The following BAG1 variants were observed in gnomAD, a reference collection of about 807,000 sequenced individuals.
BAG1 encodes the protein BAG cochaperone 1, also known as BAG family molecular chaperone regulator 1.
A neutral mutation model predicts 35.5 loss-of-function variants in BAG1; 35 were observed. That is an observed-to-expected ratio of 0.99 (90% CI 0.75 to 1.31). The LOEUF (loss-of-function observed/expected upper bound fraction) is 1.31. Ranked by LOEUF, BAG1 falls within the 50% of genes most tolerant of loss-of-function variation. BAG1 has a pLI of 0.00. For synonymous variants in BAG1, 191 were observed against 178.9 expected, an observed-to-expected ratio of 1.07 and a Z score of -0.54; for missense variants, 464 against 453.6, an observed-to-expected ratio of 1.02 and a Z score of -0.21.
intron 4 of BAG1, chr9:33,257,144 G>A (rs530684075): frequency 2.4e-4 from 111 of 468,192 alleles, no homozygotes; most frequent in East Asian, 2.3e-3. Flanking sequence ...GGCTGCAAAT[G>A]CCTCCTGAGG....
Position 33,252,583 on chromosome 9 carries a change from ATATAAC to A in BAG1, c.*2630_*2635del, listed in dbSNP as rs949634974. On this transcript the variant is annotated 3_prime_UTR_variant, in exon 7 of 7. Coordinates refer to ENST00000634734, the MANE Select transcript of BAG1 (RefSeq NM_004323.6). The stretch of plus-strand genomic sequence containing the variant: ...TATATATATATATGTTATATATGTA[ATATAAC>A]TATATTACAAGTTATGCTTGAAATA... 1.2e-4 allele frequency: 18 copies of A among 150,434 alleles called. No homozygotes were observed. The highest frequency in any genetic ancestry group is 2.1e-4 in the Non-Finnish European group (14 of 67,744). 9.3% of individuals were successfully genotyped at this position (150,434 alleles called of 1,614,324 possible).
intron 1 of BAG1, among the ~76,000 whole-genome samples, chr9:33,263,581 C>T (rs1820627728): frequency 6.2e-5 from 1 of 16,152 alleles, no homozygotes; most frequent in African/African-American, 1.4e-4. Flanking sequence ...GAGGAGAAAC[C>T]GGATTCTTAG....
Position 33,255,213 on chromosome 9 carries a change from T to G in BAG1, c.*6A>C, listed in dbSNP as rs1298278625. 5.0e-6 allele frequency: 8 copies of G among 1,614,102 alleles called. No individual in the cohort carries two copies. Among genetic ancestry groups the G allele is most frequent in the Non-Finnish European group, 6.8e-6 (8 of 1,180,036 alleles). On this transcript the variant is annotated 3_prime_UTR_variant, in exon 7 of 7. Coordinates refer to ENST00000634734, the MANE Select transcript of BAG1 (RefSeq NM_004323.6). Reference sequence around the variant, plus strand: ...TCAGGGCAGCACAGCCTTTTTCTGCTACACCTCACTCGGCCAGGGCAAAGT... The same window carrying G: ...TCAGGGCAGCACAGCCTTTTTCTGCGACACCTCACTCGGCCAGGGCAAAGT...
Position 33,256,874 on chromosome 9 carries a change from AGAGCTTC to A in BAG1, c.805_811del (p.Glu269SerfsTer8). ...TTTTACTCTCCTATCAAGTTTGCAG[AGAGCTTC>A]AGCTTGCAAATCCTTGGGCAGAAAA... On this transcript the variant is annotated frameshift_variant, in exon 5 of 7. Coordinates refer to ENST00000634734, the MANE Select transcript of BAG1 (RefSeq NM_004323.6). LOFTEE classifies it high-confidence loss of function. 2.5e-6 allele frequency: 4 copies of A among 1,614,200 alleles called. No individual in the cohort carries two copies. The highest frequency in any genetic ancestry group is 3.4e-6 in the Non-Finnish European group (4 of 1,180,028).
At chr9:33,263,355 C>A (rs994103247) in intron 1 of BAG1, among the ~76,000 whole-genome samples, 1 of 152,234 alleles carries the variant, frequency 6.6e-6, no homozygotes, top group Non-Finnish European at 1.5e-5. Context: ...GTCTCTCCCA[C>A]TGAACACACT....
chr9:33,263,230 A>C (rs1335544718), intron 1 of BAG1, among the ~76,000 whole-genome samples: 1 of 152,154 alleles, frequency 6.6e-6, no homozygotes, highest in African/African-American at 2.4e-5. Context: ...CTGATTCCCA[A>C]GCCCACCTTT....
rs752011130 is a variant in BAG1 at position 33,253,499 on chromosome 9, A to G, written c.*1720T>C. ...ATGTTGTGGCCCACGCCACACAGCT[A>G]TCACACAAAAATAGATCAATAGTGA... On this transcript the variant is annotated 3_prime_UTR_variant, in exon 7 of 7. Coordinates refer to ENST00000634734, the MANE Select transcript of BAG1 (RefSeq NM_004323.6). 1.3e-5 allele frequency: 2 copies of G among 152,254 alleles called. No individual in the cohort carries two copies. Among genetic ancestry groups the G allele is most frequent in the Non-Finnish European group, 2.9e-5 (2 of 68,044 alleles). 9.4% of individuals were successfully genotyped at this position (152,254 alleles called of 1,614,324 possible). A position where few individuals can be genotyped will look rare whatever the true frequency, so the allele number is the denominator to read the frequency against.
chr9:33,264,442 C>T lies in BAG1; in HGVS notation c.233G>A (p.Arg78His). The stretch of plus-strand genomic sequence containing the variant: ...CAACTCCTCGCTCCGGGTCGAGCGG[C>T]GCCGGGTTTTCTTCTTCATCCGCGG... The change falls in exon 1 of 7, where the codon CGC becomes CAC. Residue 78 changes from arginine to histidine, a missense_variant. Arg to His is a conservative substitution (Grantham distance 29). Coordinates refer to ENST00000634734, the MANE Select transcript of BAG1 (RefSeq NM_004323.6). 1.2e-6 allele frequency: 2 copies of T among 1,613,690 alleles called. No individual in the cohort carries two copies. Among genetic ancestry groups the T allele is most frequent in the Non-Finnish European group, 8.5e-7 (1 of 1,179,666 alleles).
rs147618564 is a variant in BAG1, at chr9:33,255,884, C to G, written c.929G>C (p.Gly310Ala). Residue 310 changes from glycine (G) to alanine (A), a missense_variant, in exon 6 of 7, where the codon GGC becomes GCC. Physicochemically the swap from Gly to Ala is moderately conservative, Grantham distance 60. Coordinates refer to ENST00000634734, the MANE Select transcript of BAG1 (RefSeq NM_004323.6). ...ACTCACCTGAACCTTTTTTACCAAG[C>G]CTTTCCTTTTCAATCTACTGTCTTT... The G allele has an allele frequency of 6.8e-4, 1,099 of 1,614,032 alleles. 10 individuals are homozygous for G. In the African/African-American group the frequency reaches 0.012, roughly 18 times the overall value.
chr9:33,262,112 G>C, intron 2 of BAG1: 11 of 1,289,366 alleles, frequency 8.5e-6, no homozygotes, highest in Non-Finnish European at 1.1e-5. Context: ...AACCTAGCGA[G>C]GGAAGACTGC....
In BAG1 at chr9:33,258,949, A is replaced by G. The variant is rs370676610; in HGVS notation, c.748T>C (p.Leu250=). 2 of 1,614,050 alleles carry G rather than the reference A, an allele frequency of 1.2e-6. No individual in the cohort carries two copies. Among genetic ancestry groups the G allele is most frequent in the African/African-American group, 2.7e-5 (2 of 75,000 alleles). ...TGGATTCCAGTAAGCTCTTTATTCA[A>G]CTCTTCCAGCTGGTCAGCTATCTTC... The change falls in exon 4 of 7, where the codon TTG becomes CTG. Residue 250 remains leucine, a synonymous_variant. Coordinates refer to ENST00000634734, the MANE Select transcript of BAG1 (RefSeq NM_004323.6).
At chr9:33,262,942 C>T (rs1057203624) in intron 1 of BAG1, 112 bp from the exon 2 acceptor site, 11 of 1,452,546 alleles carry the variant, frequency 7.6e-6, no homozygotes, top group Non-Finnish European at 1.0e-5. Context: ...TCATATGCCA[C>T]CTACTCCACA....
intron 4 of BAG1, 21 bp downstream of exon 4, chr9:33,258,899 A>G: frequency 1.9e-6 from 3 of 1,593,092 alleles, no homozygotes; most frequent in Non-Finnish European, 2.6e-6. Flanking sequence ...GCAGAAAGTT[A>G]AGGTCCATGA....
rs753388761 is a variant in BAG1, at chr9:33,258,908, G to A, written c.777+12C>T. The stretch of plus-strand genomic sequence containing the variant: ...TAGAAGGCAGAAAGTTAAGGTCCAT[G>A]AAGAGAGTTACCTGCTGGATTCCAG... On this transcript the variant is annotated intron_variant, in intron 4 of 6. Coordinates refer to ENST00000634734, the MANE Select transcript of BAG1 (RefSeq NM_004323.6). 1 of 1,607,716 alleles carries A rather than the reference G, an allele frequency of 6.2e-7. No homozygotes were observed. Among genetic ancestry groups the A allele is most frequent in the Non-Finnish European group, 8.5e-7 (1 of 1,174,350 alleles).
chr9:33,261,520 T>C (rs1035615486), intron 2 of BAG1, among the ~76,000 whole-genome samples: 2 of 152,174 alleles, frequency 1.3e-5, no homozygotes, highest in Admixed American at 6.5e-5. Flanking sequence ...AGCTCATTTT[T>C]TGCAGGAAAC....
rs373037713 is a variant in BAG1, at chr9:33,264,486, G to T, written c.189C>A (p.Ala63=). 29 of 1,610,794 alleles carry T rather than the reference G, an allele frequency of 1.8e-5. No individual in the cohort carries two copies. The highest frequency in any genetic ancestry group is 2.1e-5 in the Non-Finnish European group (25 of 1,179,218). ...TCCGCGGCCTGCGAGCGCCGGCGGC[G>T]GCGCCCCTGGTGGGTCGGTCATGCC... Residue 63 remains alanine, a synonymous_variant, in exon 1 of 7, where the codon GCC becomes GCA. Transcript: ENST00000634734.
intron 2 of BAG1, among the ~76,000 whole-genome samples, chr9:33,261,397 A>G (rs1815606298): frequency 3.3e-5 from 5 of 152,356 alleles, no homozygotes; most frequent in Admixed American, 2.6e-4. Context: ...CAACCTTTTC[A>G]TAATAGTGAG....
chr9:33,263,322 G>C (rs1820619975), intron 1 of BAG1, among the ~76,000 whole-genome samples: 2 of 152,282 alleles, frequency 1.3e-5, no homozygotes, highest in South Asian at 4.1e-4. Context: ...TGCTGTAATG[G>C]GCAAGTGACT....
In BAG1 at chr9:33,262,746, T is replaced by C. The variant is rs200677970; in HGVS notation, c.536A>G (p.Glu179Gly). 16 of 1,614,076 alleles carry C rather than the reference T, an allele frequency of 9.9e-6. No individual in the cohort carries two copies. In the East Asian group the frequency reaches 1.3e-4, roughly 13 times the overall value. Residue 179 changes from glutamate (E) to glycine (G), a missense_variant, in exon 2 of 7, where the codon GAG (glutamate) becomes GGG (glycine). Physicochemically the swap from Glu to Gly is moderately conservative, Grantham distance 98. Transcript: ENST00000634734. ...AAAAGACTGTGGAACCCCTATGACCTCTTCAACAACCTGGGCCAGGTCTTG... is the reference window on the plus strand; with the variant it reads ...AAAAGACTGTGGAACCCCTATGACCCCTTCAACAACCTGGGCCAGGTCTTG...
Sources: allele counts gnomAD v4.1 joint callset (sites outside exome capture counted in the v4.1 genomes callset), GRCh38; gene constraint gnomAD v4.1.1; transcripts MANE v1.5; gene names NCBI Gene and HGNC (gene_info 2026-07-23, HGNC 2026-07-21).